KANSL1L: variants seen among roughly 807,000 people sequenced by gnomAD.
KANSL1L encodes the protein KAT8 regulatory NSL complex subunit 1-like protein.
KANSL1L carries 25 observed loss-of-function variants against 108.6 expected under a neutral mutation model. The ratio of observed to expected loss-of-function variants is 0.23; its 90% confidence interval spans 0.17 to 0.32. The LOEUF is 0.32. Ranked by LOEUF, KANSL1L falls within the 10% of genes least tolerant of loss-of-function variation. The probability of loss-of-function intolerance (pLI) is 1.00; values close to 1 mark genes in which losing one functional copy is unlikely to be tolerated. For synonymous variants in KANSL1L, 405 were observed against 395.1 expected (o/e 1.03, Z -0.30); for missense variants, 1,137 against 1,125.7 (o/e 1.01, Z -0.14).
chr2:210,086,070 T>A (rs2094634678), intron 5 of KANSL1L, among the ~76,000 whole-genome samples: 1 of 151,930 alleles, frequency 6.6e-6, no homozygotes, highest in Non-Finnish European at 1.5e-5. Flanking sequence ...ATTTACTTTT[T>A]ATGTGATTAG....
chr2:210,041,828 T>C (rs2094167176), intron 7 of KANSL1L, among the ~76,000 whole-genome samples: 1 of 152,184 alleles, frequency 6.6e-6, no homozygotes, highest in African/African-American at 2.4e-5. Context: ...TGGAAAAATA[T>C]GCAAAACAAA....
intron 1 of KANSL1L, among the ~76,000 whole-genome samples, chr2:210,161,972 C>A (rs971363165): frequency 6.6e-6 from 1 of 150,422 alleles, no homozygotes; most frequent in African/African-American, 2.4e-5. Flanking sequence ...TGCCTGTGAT[C>A]CTAGTATTTT....
intron 3 of KANSL1L, among the ~76,000 whole-genome samples, chr2:210,121,200 G>A (rs554102311): frequency 5.3e-4 from 80 of 152,234 alleles, no homozygotes; most frequent in South Asian, 8.3e-4. Flanking sequence ...ACATGTGTAC[G>A]TTTATTGCAG....
In KANSL1L at chr2:210,159,524, A is replaced by G. The variant is rs146421877; in HGVS notation, c.-29-4913T>C. The stretch of plus-strand genomic sequence containing the variant: ...TTTAAGTGCAAGAACTCAATGATCT[A>G]ATCTCCAGCACTAGAATAATGCCTG... On this transcript the variant is annotated intron_variant, in intron 1 of 14. Coordinates refer to ENST00000281772, the MANE Select transcript of KANSL1L (RefSeq NM_152519.4). 1.2e-3 allele frequency among the ~76,000 whole-genome samples: 188 copies of G among 152,336 alleles called. 1 individual carries two copies. The highest frequency in any genetic ancestry group is 4.3e-3 in the African/African-American group (177 of 41,588).
intron 7 of KANSL1L, 21 bp from the exon 8 acceptor site, chr2:210,040,548 A>G (rs758959542): frequency 5.0e-6 from 6 of 1,208,766 alleles, no homozygotes; most frequent in Non-Finnish European, 7.0e-6. Flanking sequence ...AAAATAAAAA[A>G]GGTATTTTCA....
intron 6 of KANSL1L, among the ~76,000 whole-genome samples, chr2:210,051,401 T>C (rs1309965448): frequency 1.3e-5 from 2 of 152,196 alleles, no homozygotes; most frequent in Non-Finnish European, 2.9e-5. Flanking sequence ...TTTGTTTCCA[T>C]AGTAGTCATA....
rs1575594793 is a variant in KANSL1L at position 210,135,076 on chromosome 2, T to C, written c.1089-5904A>G. Among the ~76,000 whole-genome samples, 5 of 152,294 alleles carry C rather than the reference T, an allele frequency of 3.3e-5. 1 individual carries two copies. The highest frequency in any genetic ancestry group is 3.3e-4 in the Admixed American group (5 of 15,290). On this transcript the variant is annotated intron_variant, in intron 2 of 14. Transcript: ENST00000281772. ...CACTGCCAGAGCAAGAAGTCTATTATTGTAAGGAACAGGAACTATCATATA... is the reference window on the plus strand; with the variant it reads ...CACTGCCAGAGCAAGAAGTCTATTACTGTAAGGAACAGGAACTATCATATA...
intron 2 of KANSL1L, chr2:210,152,148 G>A (rs567067782): frequency 6.6e-6 from 1 of 152,106 alleles, no homozygotes; most frequent in Non-Finnish European, 1.5e-5. Context: ...CCTTTAAAAA[G>A]CCCCAGTGAG....
At chr2:210,119,216 G>T (rs551356065) in intron 3 of KANSL1L, among the ~76,000 whole-genome samples, 21 of 151,762 alleles carry the variant, frequency 1.4e-4, no homozygotes, top group African/African-American at 5.1e-4. Flanking sequence ...AAAAAGAAAA[G>T]CCCAGGACCC....
chr2:210,117,887 G>C (rs186894000), intron 3 of KANSL1L, among the ~76,000 whole-genome samples: 90 of 152,154 alleles, frequency 5.9e-4, no homozygotes, highest in Non-Finnish European at 1.2e-3. Flanking sequence ...ATTTTGGCCA[G>C]GCACGACGGC....
At chr2:210,124,617 C>A (rs2095049541) in intron 3 of KANSL1L, among the ~76,000 whole-genome samples, 1 of 150,696 alleles carries the variant, frequency 6.6e-6, no homozygotes, top group Non-Finnish European at 1.5e-5. Context: ...CAATTTAAAC[C>A]AAAAGCTAGC....
intron 6 of KANSL1L, among the ~76,000 whole-genome samples, chr2:210,057,456 C>A (rs2094364267): frequency 6.6e-6 from 1 of 152,162 alleles, no homozygotes; most frequent in Non-Finnish European, 1.5e-5. Context: ...AATCCCAGTA[C>A]TTTGGGAGGC....
intron 5 of KANSL1L, among the ~76,000 whole-genome samples, chr2:210,092,193 G>GTGTC (rs2125388099): frequency 6.6e-6 from 1 of 152,140 alleles, no homozygotes; most frequent in Non-Finnish European, 1.5e-5. Flanking sequence ...CCTGAATGTG[G>GTGTC]TGTCTTTCAA....
intron 1 of KANSL1L, among the ~76,000 whole-genome samples, chr2:210,158,022 CAT>C (rs2095343061): frequency 6.6e-6 from 1 of 152,114 alleles, no homozygotes; most frequent in South Asian, 2.1e-4. Flanking sequence ...TAGAATAAAA[CAT>C]ATATACAAAA....
chr2:210,067,793 C>T (rs1285002689), intron 6 of KANSL1L, among the ~76,000 whole-genome samples: 2 of 149,482 alleles, frequency 1.3e-5, no homozygotes, highest in African/African-American at 5.0e-5. Flanking sequence ...ATTTTAAACA[C>T]ATTTTCATAT....
chr2:210,074,599 T>C (rs1006627450), intron 6 of KANSL1L, among the ~76,000 whole-genome samples: 57 of 152,208 alleles, frequency 3.7e-4, no homozygotes, highest in African/African-American at 1.3e-3. Flanking sequence ...AAGTGATCCC[T>C]CTGCCTTGGC....
chr2:210,087,110 C>T (rs1367211255), intron 5 of KANSL1L, among the ~76,000 whole-genome samples: 1 of 151,632 alleles, frequency 6.6e-6, no homozygotes, highest in Non-Finnish European at 1.5e-5. Context: ...CTCACTGCAG[C>T]CCTGACCTCC....
chr2:210,079,648 A>ATATATGTATGTGTG (rs1164689592), intron 5 of KANSL1L, among the ~76,000 whole-genome samples: 31 of 15,190 alleles, frequency 2.0e-3, no homozygotes, highest in South Asian at 3.1e-3. Flanking sequence ...ATATATATAT[A>ATATATGTATGTGTG]TATATATATA....
At chr2:210,077,523 A>T (rs1013231137) in intron 5 of KANSL1L, among the ~76,000 whole-genome samples, 1 of 152,076 alleles carries the variant, frequency 6.6e-6, no homozygotes, top group Non-Finnish European at 1.5e-5. Flanking sequence ...CGAGGTCAAG[A>T]AGAAGACAGG....
Sources: gnomAD v4.1 joint callset for allele counts (sites outside exome capture counted in the v4.1 genomes callset) on GRCh38, gnomAD v4.1.1 for gene constraint, MANE v1.5 for transcripts, NCBI Gene and HGNC (gene_info 2026-07-23, HGNC 2026-07-21) for gene names.